SLCO6A1: variants seen among roughly 807,000 people sequenced by gnomAD.
SLCO6A1 encodes the protein cancer/testis antigen 48.
Under a neutral mutation model 72.7 loss-of-function variants are expected in SLCO6A1, and 65 were observed. That is an observed-to-expected ratio of 0.89 (90% CI 0.73 to 1.10). The LOEUF (loss-of-function observed/expected upper bound fraction) is 1.10, where lower values mean the gene tolerates loss of function less well. SLCO6A1 is among the 50% of genes least tolerant of loss of function. SLCO6A1 has a pLI of 0.00. For synonymous variants in SLCO6A1, 314 were observed against 298.2 expected (o/e 1.05, Z -0.55); for missense variants, 874 against 872.6 (o/e 1.00, Z -0.02).
At chr5:102,419,719 A>G (rs1748481638) in intron 8 of SLCO6A1, 107 bp downstream of exon 8, 3 of 889,788 alleles carry the variant, frequency 3.4e-6, no homozygotes, top group Non-Finnish European at 5.1e-6. Flanking sequence ...GATAATTCCA[A>G]TAATTATATG....
chr5:102,459,756 A>G lies in SLCO6A1; in HGVS notation c.921T>C (p.Ser307=), dbSNP rs372316487. The G allele has an allele frequency of 5.0e-6, 8 of 1,603,778 alleles. No individual in the cohort carries two copies. Among genetic ancestry groups the G allele is most frequent in the Non-Finnish European group, 6.0e-6 (7 of 1,176,444 alleles). The change falls in exon 5 of 14, where the codon AGT becomes AGC. Residue 307 remains serine (S), a synonymous_variant. Transcript: ENST00000506729. ...SATNTTVNNG[S]PEWLWTWWIN... is the part of the protein sequence containing the mutation. ...TCCACCAAGTCCATAGCCATTCTGG[A>G]CTACCATTATTGACTGTAGTGCTTT...
At chr5:102,472,977 T>C (rs766406840) in intron 4 of SLCO6A1, among the ~76,000 whole-genome samples, 7 of 152,006 alleles carry the variant, frequency 4.6e-5, no homozygotes, top group African/African-American at 7.2e-5. Context: ...GGTGATTGAA[T>C]CAGCCATCAA....
At chr5:102,429,466 A>C (rs1221593874) in intron 7 of SLCO6A1, among the ~76,000 whole-genome samples, 1 of 151,926 alleles carries the variant, frequency 6.6e-6, no homozygotes, top group Admixed American at 6.6e-5. Context: ...AATCCATCTC[A>C]AGTTGATTTT....
chr5:102,476,758 C>T (rs1751920712), intron 3 of SLCO6A1, among the ~76,000 whole-genome samples: 1 of 151,764 alleles, frequency 6.6e-6, no homozygotes, highest in Non-Finnish European at 1.5e-5. Context: ...ATTTGGGGTG[C>T]TCTAGCAAGA....
intron 1 of SLCO6A1, among the ~76,000 whole-genome samples, chr5:102,483,213 T>C (rs1752294548): frequency 1.3e-5 from 2 of 152,180 alleles, no homozygotes; most frequent in South Asian, 4.1e-4. Context: ...ACTCTGCTCA[T>C]ATGGAGAGAC....
At chr5:102,427,436 A>G (rs946317258) in intron 7 of SLCO6A1, among the ~76,000 whole-genome samples, 4 of 152,242 alleles carry the variant, frequency 2.6e-5, no homozygotes, top group African/African-American at 9.6e-5. Context: ...ATGATACTTT[A>G]CCTCTGGGTC....
intron 1 of SLCO6A1, among the ~76,000 whole-genome samples, chr5:102,484,208 A>G (rs1752335994): frequency 6.6e-6 from 1 of 152,188 alleles, no homozygotes; most frequent in Admixed American, 6.5e-5. Context: ...GTGAACCATA[A>G]TTCACAGGCA....
intron 4 of SLCO6A1, among the ~76,000 whole-genome samples, chr5:102,470,228 G>T (rs1177415795): frequency 6.6e-6 from 1 of 152,168 alleles, no homozygotes; most frequent in African/African-American, 2.4e-5. Context: ...AGTTTCAGAA[G>T]GAATGGTACC....
intron 7 of SLCO6A1, among the ~76,000 whole-genome samples, chr5:102,431,064 T>C (rs560691396): frequency 6.6e-6 from 1 of 152,282 alleles, no homozygotes; most frequent in East Asian, 1.9e-4. Flanking sequence ...TTTTCTAGAT[T>C]TTCTAGTTCA....
intron 12 of SLCO6A1, among the ~76,000 whole-genome samples, chr5:102,388,027 T>C (rs1359444544): frequency 6.6e-6 from 1 of 152,178 alleles, no homozygotes; most frequent in African/African-American, 2.4e-5. Context: ...CACTGTTATA[T>C]CATTGAACAA....
chr5:102,455,851 C>T (rs1307902242), intron 6 of SLCO6A1, among the ~76,000 whole-genome samples: 2 of 152,134 alleles, frequency 1.3e-5, no homozygotes, highest in African/African-American at 4.8e-5. Context: ...ATACAAAAAT[C>T]CTCAATAAAA....
intron 9 of SLCO6A1, among the ~76,000 whole-genome samples, chr5:102,407,829 C>T (rs540158275): frequency 8.9e-4 from 135 of 152,148 alleles, no homozygotes; most frequent in Non-Finnish European, 1.6e-3. Flanking sequence ...CAAATTTGTT[C>T]AATAACCTGA....
chr5:102,417,437 T>G (rs1032767774), intron 8 of SLCO6A1, among the ~76,000 whole-genome samples: 2 of 152,022 alleles, frequency 1.3e-5, no homozygotes, highest in Non-Finnish European at 2.9e-5. Flanking sequence ...TCTGCCTAAT[T>G]TGGGATTAAA....
chr5:102,492,942 T>C (rs1235629735), intron 1 of SLCO6A1, among the ~76,000 whole-genome samples: 5 of 152,142 alleles, frequency 3.3e-5, no homozygotes, highest in African/African-American at 1.2e-4. Context: ...CCTGCCTCTG[T>C]AGACTCCACC....
intron 10 of SLCO6A1, among the ~76,000 whole-genome samples, chr5:102,399,053 AT>A (rs2112547265): frequency 6.6e-6 from 1 of 152,242 alleles, no homozygotes; most frequent in African/African-American, 2.4e-5. Context: ...TATTAAATGG[AT>A]TTCATATATT....
At chr5:102,453,193 T>C (rs549585015) in intron 6 of SLCO6A1, among the ~76,000 whole-genome samples, 63 of 152,024 alleles carry the variant, frequency 4.1e-4, no homozygotes, top group Non-Finnish European at 8.7e-4. Context: ...GAGATTTCTC[T>C]ACATAAAATT....
chr5:102,439,019 C>A (rs918065351), intron 6 of SLCO6A1, among the ~76,000 whole-genome samples: 4 of 151,910 alleles, frequency 2.6e-5, no homozygotes, highest in Non-Finnish European at 5.9e-5. Flanking sequence ...GCTCTTCATA[C>A]TACTTTAATT....
intron 4 of SLCO6A1, among the ~76,000 whole-genome samples, chr5:102,472,755 G>A (rs1014600783): frequency 1.1e-4 from 16 of 151,802 alleles, no homozygotes; most frequent in African/African-American, 3.4e-4. Flanking sequence ...AGAAAAAAGA[G>A]ATAAGACTCA....
chr5:102,394,426 T>A (rs1746949125), intron 10 of SLCO6A1, among the ~76,000 whole-genome samples: 1 of 151,864 alleles, frequency 6.6e-6, no homozygotes, highest in Admixed American at 6.6e-5. Context: ...CTTATACTCC[T>A]ATCCTCTGTT....
Sources: gnomAD v4.1 joint callset for allele counts (sites outside exome capture counted in the v4.1 genomes callset) on GRCh38, gnomAD v4.1.1 for gene constraint, MANE v1.5 for transcripts, NCBI Gene and HGNC (gene_info 2026-07-23, HGNC 2026-07-21) for gene names.